CSNK1G1: variants seen among roughly 807,000 people sequenced by gnomAD.
The protein encoded by CSNK1G1 is casein kinase I isoform gamma-1.
In CSNK1G1, 22 loss-of-function variants were observed where a neutral mutation model predicts 59.6. The ratio of observed to expected loss-of-function variants is 0.37; its 90% confidence interval spans 0.26 to 0.53. The LOEUF is 0.53. CSNK1G1 is among the 20% of genes least tolerant of loss of function. CSNK1G1 has a pLI of 0.89. For missense variants in CSNK1G1, 384 were observed against 519.5 expected (o/e 0.74, Z 2.54); for synonymous variants, 179 against 177.1 (o/e 1.01, Z -0.08).
chr15:64,182,000 A>G (rs946364691), intron 10 of CSNK1G1: 2 of 148,536 alleles, frequency 1.3e-5, no homozygotes, highest in Admixed American at 6.7e-5. Context: ...CTAGCAAGCT[A>G]TATCCGCTAT....
rs1472675093 is a variant in CSNK1G1, at chr15:64,165,889, C to A, written c.*6042G>T. 6.0e-6 allele frequency: 3 copies of A among 502,536 alleles called. No homozygotes were observed. The East Asian group carries it at 9.7e-5, about 16-fold the overall frequency. The allele number at this position is 502,536 out of a possible 1,614,324, so 31.1% of individuals were successfully genotyped here. ...CTACTCTGAGATCACATATCAGAAC[C>A]CATTTTCCATTTTCTCCAAAGAAGG... On this transcript the variant is annotated 3_prime_UTR_variant, in exon 12 of 12. Coordinates refer to ENST00000303052, the MANE Select transcript of CSNK1G1 (RefSeq NM_022048.5).
chr15:64,192,843 A>T (rs1300054415), intron 10 of CSNK1G1, among the ~76,000 whole-genome samples: 3 of 94,986 alleles, frequency 3.2e-5, no homozygotes, highest in East Asian at 2.5e-4. Context: ...ATCTGCCTAA[A>T]AAAAAAAAAA....
chr15:64,235,123 T>C (rs889466054), intron 4 of CSNK1G1, among the ~76,000 whole-genome samples: 6 of 151,696 alleles, frequency 4.0e-5, no homozygotes, highest in African/African-American at 1.5e-4. Flanking sequence ...GGACCAAGAG[T>C]AGTTGTCTTG....
At chr15:64,296,812 C>T (rs1421365562) in intron 2 of CSNK1G1, among the ~76,000 whole-genome samples, 5 of 150,638 alleles carry the variant, frequency 3.3e-5, no homozygotes, top group African/African-American at 9.8e-5. Flanking sequence ...TGCAGTGAGC[C>T]GAGATTGTGC....
chr15:64,198,155 A>G (rs1306391558), intron 10 of CSNK1G1, among the ~76,000 whole-genome samples: 1 of 147,764 alleles, frequency 6.8e-6, no homozygotes, highest in Non-Finnish European at 1.5e-5. Context: ...CAGCTCTTTG[A>G]GGACAAGGAC....
At chr15:64,277,997 T>C (rs1189531131) in intron 2 of CSNK1G1, among the ~76,000 whole-genome samples, 1 of 145,004 alleles carries the variant, frequency 6.9e-6, no homozygotes, top group Admixed American at 7.0e-5. Flanking sequence ...AATAATATAT[T>C]AATATTGATA....
intron 4 of CSNK1G1, among the ~76,000 whole-genome samples, chr15:64,220,670 T>C (rs2082377222): frequency 6.6e-6 from 1 of 151,808 alleles, no homozygotes; most frequent in Non-Finnish European, 1.5e-5. Flanking sequence ...AGTTTTACTC[T>C]TGCCTCAGCC....
chr15:64,224,815 T>C (rs2082435450), intron 4 of CSNK1G1, among the ~76,000 whole-genome samples: 1 of 152,126 alleles, frequency 6.6e-6, no homozygotes, highest in Non-Finnish European at 1.5e-5. Context: ...AGAAGAGGAA[T>C]AATTTCACAT....
chr15:64,253,951 A>G (rs8032746), intron 3 of CSNK1G1, among the ~76,000 whole-genome samples: 29,709 of 151,900 alleles, frequency 0.2, 4,058 homozygotes, highest in African/African-American at 0.39. Flanking sequence ...ACCAGCCTGG[A>G]CAACACGGTG....
chr15:64,284,734 T>C (rs1741653355), intron 2 of CSNK1G1, among the ~76,000 whole-genome samples: 1 of 152,052 alleles, frequency 6.6e-6, no homozygotes, highest in Admixed American at 6.6e-5. Context: ...TAGGGAACTA[T>C]TTTGGCTAAG....
At chr15:64,217,424 C>T (rs1372453512) in intron 4 of CSNK1G1, among the ~76,000 whole-genome samples, 1 of 152,206 alleles carries the variant, frequency 6.6e-6, no homozygotes, top group Non-Finnish European at 1.5e-5. Flanking sequence ...ACTTTCTCAC[C>T]TAAGTGGCAA....
At chr15:64,201,329 G>A (rs1329334079) in intron 10 of CSNK1G1, among the ~76,000 whole-genome samples, 1 of 149,528 alleles carries the variant, frequency 6.7e-6, no homozygotes, top group Admixed American at 6.7e-5. Flanking sequence ...GCTTTCTAGA[G>A]AATTTGTACA....
intron 4 of CSNK1G1, among the ~76,000 whole-genome samples, chr15:64,240,739 TG>T (rs1371065561): frequency 6.6e-6 from 1 of 151,942 alleles, no homozygotes; most frequent in African/African-American, 2.4e-5. Context: ...AAGCAAAAAC[TG>T]AAGGAATCTG....
intron 1 of CSNK1G1, among the ~76,000 whole-genome samples, chr15:64,334,138 A>G (rs1897256264): frequency 6.6e-6 from 1 of 152,190 alleles, no homozygotes; most frequent in African/African-American, 2.4e-5. Context: ...TCATTACCAC[A>G]TGAATCATTC....
intron 1 of CSNK1G1, among the ~76,000 whole-genome samples, chr15:64,314,722 G>A (rs969895771): frequency 3.9e-5 from 6 of 152,058 alleles, no homozygotes; most frequent in African/African-American, 1.2e-4. Context: ...GTAAGAACAC[G>A]CGGTGTTTGT....
chr15:64,224,640 G>T (rs537332692), intron 4 of CSNK1G1, among the ~76,000 whole-genome samples: 1 of 152,190 alleles, frequency 6.6e-6, no homozygotes, highest in African/African-American at 2.4e-5. Context: ...AAACAGCTAG[G>T]CCCAGAATTA....
At chr15:64,288,644 A>G (rs1212264187) in intron 2 of CSNK1G1, among the ~76,000 whole-genome samples, 2 of 151,930 alleles carry the variant, frequency 1.3e-5, no homozygotes, top group Non-Finnish European at 2.9e-5. Context: ...CATAGAAAAA[A>G]AAAATTGAAT....
chr15:64,269,691 G>A (rs1306359768), intron 2 of CSNK1G1, among the ~76,000 whole-genome samples: 1 of 151,962 alleles, frequency 6.6e-6, no homozygotes, highest in Non-Finnish European at 1.5e-5. Context: ...ACAGGGTTTT[G>A]CCATGTTGGC....
At chr15:64,242,704 G>C (rs1018051876) in intron 4 of CSNK1G1, among the ~76,000 whole-genome samples, 5 of 152,150 alleles carry the variant, frequency 3.3e-5, no homozygotes, top group Non-Finnish European at 7.4e-5. Flanking sequence ...GAAAAGTGAA[G>C]AGGAGAAAAT....
Sources: allele counts gnomAD v4.1 joint callset (sites outside exome capture counted in the v4.1 genomes callset), GRCh38; gene constraint gnomAD v4.1.1; transcripts MANE v1.5; gene names NCBI Gene and HGNC (gene_info 2026-07-23, HGNC 2026-07-21).